Variants in CACHD1 observed in about 807,000 individuals in gnomAD.
CACHD1 encodes cache domain containing 1, also known as VWFA and cache domain-containing protein 1.
Under a neutral mutation model 138.7 loss-of-function variants are expected in CACHD1, and 71 were observed. The observed-to-expected ratio is 0.51, with a 90% CI of 0.42 to 0.62. The LOEUF (loss-of-function observed/expected upper bound fraction) is 0.62. CACHD1 is among the 20% of genes least tolerant of loss of function. The pLI is 0.00. For missense variants in CACHD1, 1,389 were observed against 1,625.3 expected (o/e 0.85, Z 2.50); for synonymous variants, 578 against 591.5 (o/e 0.98, Z 0.33).
Position 64,470,924 on chromosome 1 carries a change from G to A in CACHD1, c.180G>A (p.Leu60=), listed in dbSNP as rs764485820. The part of the protein sequence containing the change: ...SQMRRLAAEE[L]GVVTMQRIFN... Reference sequence around the variant, plus strand: ...TGCGGAGGCTGGCGGCCGAGGAGCTGGGGGTCGTCACCATGCAGGTAAGTG... The same window carrying A: ...TGCGGAGGCTGGCGGCCGAGGAGCTAGGGGTCGTCACCATGCAGGTAAGTG... The change falls in exon 1 of 27, where the codon CTG becomes CTA. Residue 60 remains leucine (L), a synonymous_variant. Transcript: ENST00000651257. The surrounding 1 kb of genome is among the most constrained non-coding windows in gnomAD (Gnocchi z 5.2). 3.1e-6 allele frequency: 5 copies of A among 1,605,104 alleles called. No homozygotes were observed. In the South Asian group the frequency reaches 5.6e-5, roughly 18 times the overall value.
chr1:64,681,969 A>C (rs765236778), intron 25 of CACHD1, 36 bp from the exon 26 acceptor site: 10 of 1,564,274 alleles, frequency 6.4e-6, no homozygotes, highest in African/African-American at 1.4e-5. Flanking sequence ...AGATACTGGC[A>C]TAAGAGTGAC....
chr1:64,632,552 C>T (rs1399292862), intron 5 of CACHD1, 47 bp from the exon 6 acceptor site: 1 of 1,607,904 alleles, frequency 6.2e-7, no homozygotes. Flanking sequence ...AGTTGAGGCC[C>T]TTTACCTAAA....
intron 2 of CACHD1, among the ~76,000 whole-genome samples, chr1:64,552,053 A>G (rs574331173): frequency 2.0e-5 from 3 of 152,344 alleles, no homozygotes; most frequent in African/African-American, 7.2e-5. Context: ...CCATTTGATA[A>G]CATTTTAAAG....
At chr1:64,558,207 A>G (rs781594178) in intron 2 of CACHD1, among the ~76,000 whole-genome samples, 6 of 152,220 alleles carry the variant, frequency 3.9e-5, no homozygotes, top group Non-Finnish European at 5.9e-5. Context: ...CTTAACTAAC[A>G]TTAGTGTTGA....
Position 64,600,817 on chromosome 1 carries a change from G to A in CACHD1, c.411-1989G>A, listed in dbSNP as rs569332661. On this transcript the variant is annotated intron_variant, in intron 3 of 26. Transcript: ENST00000651257. ...ATAGGCCTTTCTGAAGAAGGGAAAC[G>A]TGAAGAGAGACCTGAAGGATTACTA... 4.6e-5 allele frequency among the ~76,000 whole-genome samples: 7 copies of A among 152,338 alleles called. 1 individual carries two copies. In the South Asian group the frequency reaches 1.0e-3, roughly 23 times the overall value.
In CACHD1 at chr1:64,562,364, C is replaced by T. The variant is rs186627740; in HGVS notation, c.261+11708C>T. Among the ~76,000 whole-genome samples, 811 of 145,726 alleles carry T rather than the reference C, an allele frequency of 5.6e-3. 7 individuals are homozygous for T. Among genetic ancestry groups the T allele is most frequent in the African/African-American group, 0.019 (772 of 39,676 alleles). ...TCTTCTCTTTTTAAATTTTTTTTCT[C>T]TTGGATAAAGATAAAGATGGTTTAT... is the stretch of plus-strand genomic sequence containing the variant. On this transcript the variant is annotated intron_variant, in intron 2 of 26. Transcript: ENST00000651257.
chr1:64,567,934 T>A (rs1016395653), intron 2 of CACHD1, among the ~76,000 whole-genome samples: 1 of 152,008 alleles, frequency 6.6e-6, no homozygotes, highest in Non-Finnish European at 1.5e-5. Flanking sequence ...AGCGACGAGC[T>A]TTTAGCTCTC....
chr1:64,530,978 A>G (rs1431066409), intron 1 of CACHD1, among the ~76,000 whole-genome samples: 4 of 109,674 alleles, frequency 3.6e-5, no homozygotes, highest in Non-Finnish European at 7.4e-5. Flanking sequence ...ACAAGTACTT[A>G]TTTCCTAAGC....
At chr1:64,626,572 G>A (rs1447551307) in intron 4 of CACHD1, among the ~76,000 whole-genome samples, 1 of 152,188 alleles carries the variant, frequency 6.6e-6, no homozygotes, top group Non-Finnish European at 1.5e-5. Flanking sequence ...TTGGCCTCTG[G>A]CTTCCTGTCT....
Position 64,470,899 on chromosome 1 carries a change from T to A in CACHD1, c.155T>A (p.Met52Lys). The A allele has an allele frequency of 1.2e-6, 2 of 1,609,382 alleles. No homozygotes were observed. The highest frequency in any genetic ancestry group is 1.7e-6 in the Non-Finnish European group (2 of 1,178,400). ...LDEAQVLASQ[M>K]RRLAAEELGV... ...GAGGCGCAAGTGCTGGCGAGCCAGA[T>A]GCGGAGGCTGGCGGCCGAGGAGCTG... The change falls in exon 1 of 27, where the codon ATG becomes AAG. Residue 52 changes from methionine (M) to lysine (K), a missense_variant. This residue lies in a region of CACHD1 where 1,000 missense variants were observed against 1,114.7 expected (regional missense o/e 0.90). Transcript: ENST00000651257. The surrounding 1 kb of genome is among the most constrained non-coding windows in gnomAD (Gnocchi z 5.2).
Position 64,678,172 on chromosome 1 carries a change from G to A in CACHD1, c.3106G>A (p.Val1036Met), listed in dbSNP as rs1268120291. The A allele has an allele frequency of 5.0e-6, 8 of 1,611,606 alleles. No homozygotes were observed. Among genetic ancestry groups the A allele is most frequent in the Non-Finnish European group, 6.8e-6 (8 of 1,179,086 alleles). ...QRLESGDCFGVLDCEWCMVDS... is the reference protein window; with the variant it reads ...QRLESGDCFGMLDCEWCMVDS... ...TTTTTCTGGCAGGGACTGTTTTGGG[G>A]TGCTGGATTGTGAATGGTGCATGGT... The change falls in exon 23 of 27, where the codon GTG becomes ATG. Residue 1036 changes from valine (V) to methionine (M), a missense_variant. Physicochemically the swap from Val to Met is conservative, Grantham distance 21. This residue lies in a region of CACHD1 where 250 missense variants were observed against 292.9 expected (regional missense o/e 0.85). Coordinates refer to ENST00000651257, the MANE Select transcript of CACHD1 (RefSeq NM_020925.4).
Position 64,647,913 on chromosome 1 carries a change from G to A in CACHD1, c.1269G>A (p.Met423Ile). ...RMALPVIKGS[M>I]MVLNQLSNLE... ...CCTTGCCTGTGATTAAGGGCAGCAT[G>A]ATGGTGCTGAATCAGTTGAGCAACC... The change falls in exon 9 of 27, where the codon ATG becomes ATA. Residue 423 changes from methionine to isoleucine, a missense_variant. By Grantham distance (10) the Met-to-Ile change is conservative. Around this residue, in one of 5 missense-constraint regions of CACHD1, gnomAD observed 1,000 missense variants for 1,114.7 expected, o/e 0.90. Transcript: ENST00000651257. The A allele has an allele frequency of 1.2e-6, 2 of 1,614,172 alleles. No individual in the cohort carries two copies. Among genetic ancestry groups the A allele is most frequent in the Non-Finnish European group, 1.7e-6 (2 of 1,179,990 alleles).
In CACHD1 at chr1:64,585,572, A is replaced by G. The variant is rs144309253; in HGVS notation, c.410+3268A>G. Among the ~76,000 whole-genome samples the G allele has an allele frequency of 4.4e-3, 670 of 152,362 alleles. 5 individuals are homozygous for G. The highest frequency in any genetic ancestry group is 0.015 in the African/African-American group (629 of 41,586). The stretch of plus-strand genomic sequence containing the variant: ...GCAGTATTCTCTCCTGACCAGGAGT[A>G]GTTGACAGAGCCAAGAACTGCTTGG... On this transcript the variant is annotated intron_variant, in intron 3 of 26. Coordinates refer to ENST00000651257, the MANE Select transcript of CACHD1 (RefSeq NM_020925.4).
chr1:64,535,899 T>C lies in CACHD1; in HGVS notation c.199-14695T>C, dbSNP rs576914436. Among the ~76,000 whole-genome samples, 3 of 152,228 alleles carry C rather than the reference T, an allele frequency of 2.0e-5. No homozygotes were observed. The South Asian group carries it at 6.2e-4, about 32-fold the overall frequency. ...CAATCCAAGATGTGTTTTGTACCCT[T>C]AAGTTTGATAACCACCACCTTTGCG... On this transcript the variant is annotated intron_variant, in intron 1 of 26. Transcript: ENST00000651257.
intron 2 of CACHD1, among the ~76,000 whole-genome samples, chr1:64,576,021 G>A (rs181432605): frequency 1.8e-4 from 28 of 152,300 alleles, no homozygotes; most frequent in South Asian, 4.1e-4. Flanking sequence ...ATTAGAATCC[G>A]TTCCCATGGG....
intron 3 of CACHD1, among the ~76,000 whole-genome samples, chr1:64,591,253 A>G (rs1488963983): frequency 1.3e-5 from 2 of 152,212 alleles, no homozygotes; most frequent in African/African-American, 4.8e-5. Context: ...TGGAAGAAAC[A>G]TTTCAGCTGG....
chr1:64,647,443 T>C (rs183083903), intron 8 of CACHD1, among the ~76,000 whole-genome samples: 1 of 152,344 alleles, frequency 6.6e-6, no homozygotes, highest in Admixed American at 6.5e-5. Context: ...TGCAGACGTG[T>C]TGATTATTAC....
intron 26 of CACHD1, among the ~76,000 whole-genome samples, chr1:64,687,638 C>CTGGACTCTGTCATAACCCA (rs1650410488): frequency 6.6e-6 from 1 of 152,114 alleles, no homozygotes; most frequent in Non-Finnish European, 1.5e-5. Context: ...CAGAGTGTCA[C>CTGGACTCTGTCATAACCCA]TGGACTCTGT....
At chr1:64,497,390 C>T (rs1646312070) in intron 1 of CACHD1, among the ~76,000 whole-genome samples, 1 of 152,106 alleles carries the variant, frequency 6.6e-6, no homozygotes, top group Admixed American at 6.5e-5. Flanking sequence ...TAAAGACAGT[C>T]CTTCCTAGTT....
Sources: gnomAD v4.1 joint callset for allele counts (sites outside exome capture counted in the v4.1 genomes callset) on GRCh38, gnomAD v4.1.1 for gene constraint, gnomAD v4.1.1 regional missense constraint, Gnocchi (gnomAD v3.1) non-coding constraint, MANE v1.5 for transcripts, NCBI Gene and HGNC (gene_info 2026-07-23, HGNC 2026-07-21) for gene names.